KMT2E: variants seen among roughly 807,000 people sequenced by gnomAD.
KMT2E encodes the protein histone reader KMT2E.
Under a neutral mutation model 184.6 loss-of-function variants are expected in KMT2E, and 30 were observed. The ratio of observed to expected loss-of-function variants is 0.16; its 90% CI spans 0.12 to 0.22. The LOEUF is 0.22. Among genes scored for constraint, KMT2E ranks in the 10% least tolerant of loss-of-function variants. KMT2E has a pLI of 1.00. For synonymous variants in KMT2E, 815 were observed against 776.5 expected (o/e 1.05, Z -0.82); for missense variants, 2,023 against 2,237.4 (o/e 0.90, Z 1.93).
chr7:105,070,274 G>A (rs1292561992), intron 6 of KMT2E, among the ~76,000 whole-genome samples: 4 of 151,948 alleles, frequency 2.6e-5, no homozygotes, highest in South Asian at 2.1e-4. Flanking sequence ...ACTATTTTCC[G>A]GAATGGCTAT....
intron 3 of KMT2E, among the ~76,000 whole-genome samples, chr7:105,050,946 C>T (rs1796313953): frequency 2.0e-5 from 3 of 152,000 alleles, no homozygotes; most frequent in Admixed American, 2.0e-4. Context: ...AGGCTGGTCT[C>T]AAACTCCTGG....
intron 5 of KMT2E, among the ~76,000 whole-genome samples, chr7:105,064,402 A>G (rs1027732409): frequency 2.0e-5 from 3 of 151,938 alleles, no homozygotes; most frequent in African/African-American, 7.3e-5. Flanking sequence ...AGTATGGCAT[A>G]TACCCATATT....
At chr7:105,081,953 T>G (rs946072957) in intron 13 of KMT2E, among the ~76,000 whole-genome samples, 156 bp downstream of exon 13, 5 of 152,246 alleles carry the variant, frequency 3.3e-5, no homozygotes, top group African/African-American at 9.6e-5. Flanking sequence ...AGTATCAGCC[T>G]CTATTACAGC....
Position 105,018,682 on chromosome 7 carries a change from A to G in KMT2E, c.-189+4147A>G, listed in dbSNP as rs1794816914. 2.0e-5 allele frequency among the ~76,000 whole-genome samples: 3 copies of G among 152,154 alleles called. No individual in the cohort carries two copies. In the South Asian group the frequency reaches 6.2e-4, roughly 32 times the overall value. Reference sequence around the variant, plus strand: ...TAACGAGTGGAATACTATTTGAAATATTACTCTGTGAATGTTACTGGCTTT... The same window carrying G: ...TAACGAGTGGAATACTATTTGAAATGTTACTCTGTGAATGTTACTGGCTTT... On this transcript the variant is annotated intron_variant, in intron 1 of 26. Transcript: ENST00000311117.
intron 13 of KMT2E, among the ~76,000 whole-genome samples, chr7:105,083,427 A>C (rs1797837664): frequency 6.6e-6 from 1 of 152,226 alleles, no homozygotes; most frequent in East Asian, 1.9e-4. Flanking sequence ...AAAGACATTT[A>C]AAAGGCAATC....
intron 10 of KMT2E, 54 bp downstream of exon 10, chr7:105,077,247 T>C: frequency 4.4e-6 from 7 of 1,601,438 alleles, no homozygotes; most frequent in Non-Finnish European, 6.0e-6. Context: ...TGTGAATTTT[T>C]AGTTAAACTG....
At chr7:105,092,885 G>GA (rs1026676840) in intron 15 of KMT2E, among the ~76,000 whole-genome samples, 2 of 151,842 alleles carry the variant, frequency 1.3e-5, no homozygotes, top group African/African-American at 2.4e-5. Context: ...CCACTTTGGA[G>GA]AAAAAATGAA....
At chr7:105,079,002 G>C in intron 12 of KMT2E, 39 bp downstream of exon 12, 1 of 1,096,752 alleles carries the variant, frequency 9.1e-7, no homozygotes, top group Non-Finnish European at 1.4e-6. Flanking sequence ...TGTGGGTGCT[G>C]GGGGTGTGTT....
chr7:105,081,946 A>G (rs1797776160), intron 13 of KMT2E, 149 bp downstream of exon 13: 3 of 482,760 alleles, frequency 6.2e-6, no homozygotes, highest in African/African-American at 4.0e-5. Flanking sequence ...GAAGTTTAGT[A>G]TCAGCCTCTA....
intron 11 of KMT2E, 45 bp downstream of exon 11, chr7:105,077,478 T>C (rs1797578472): frequency 3.3e-6 from 5 of 1,502,876 alleles, no homozygotes; most frequent in African/African-American, 2.8e-5. Context: ...TAGGTAAATA[T>C]TGAACTTTTG....
intron 1 of KMT2E, among the ~76,000 whole-genome samples, chr7:105,023,201 C>T (rs1423017373): frequency 6.6e-6 from 1 of 151,712 alleles, no homozygotes; most frequent in Non-Finnish European, 1.5e-5. Context: ...TGATACTCCC[C>T]TTTCTCCAAT....
chr7:105,027,998 T>C lies in KMT2E; in HGVS notation c.-188-10128T>C, dbSNP rs770612821. Among the ~76,000 whole-genome samples, 42 of 152,152 alleles carry C rather than the reference T, an allele frequency of 2.8e-4. 1 individual carries two copies. The highest frequency in any genetic ancestry group is 1.4e-3 in the Admixed American group (22 of 15,268). ...ACCATTTGCTTAGTGGCCAACAGTA[T>C]TCTGATTGGAATTGATTATTATCAT... On this transcript the variant is annotated intron_variant, in intron 1 of 26. Transcript: ENST00000311117.
chr7:105,067,302 A>G (rs2129567500), intron 6 of KMT2E, among the ~76,000 whole-genome samples: 1 of 152,146 alleles, frequency 6.6e-6, no homozygotes, highest in East Asian at 1.9e-4. Context: ...ATCTTTTTTA[A>G]CTGGAATGCG....
chr7:105,048,854 C>T (rs1370168511), intron 3 of KMT2E, among the ~76,000 whole-genome samples: 1 of 152,164 alleles, frequency 6.6e-6, no homozygotes, highest in Non-Finnish European at 1.5e-5. Flanking sequence ...TTCTAGTTTG[C>T]CTACCACTTA....
At chr7:105,085,404 C>T (rs12705299) in intron 13 of KMT2E, among the ~76,000 whole-genome samples, 41,418 of 151,884 alleles carry the variant, frequency 0.27, 8,353 homozygotes, top group East Asian at 0.58. Context: ...CAAAATTAGC[C>T]GGGCATGGTG....
chr7:105,015,761 C>T (rs960370348), intron 1 of KMT2E, among the ~76,000 whole-genome samples: 1 of 152,114 alleles, frequency 6.6e-6, no homozygotes, highest in Non-Finnish European at 1.5e-5. Flanking sequence ...ATATTACAGG[C>T]TTATTATGTT....
At chr7:105,071,104 T>A (rs1437313431) in intron 6 of KMT2E, among the ~76,000 whole-genome samples, 1 of 152,214 alleles carries the variant, frequency 6.6e-6, no homozygotes, top group East Asian at 1.9e-4. Context: ...TTATAGAGTC[T>A]TCACATTTCT....
intron 20 of KMT2E, 24 bp from the exon 21 acceptor site, chr7:105,107,142 T>C (rs1798937285): frequency 7.9e-7 from 1 of 1,267,388 alleles, no homozygotes. Flanking sequence ...AAATTTTCAA[T>C]TCTAATTCTT....
intron 1 of KMT2E, among the ~76,000 whole-genome samples, chr7:105,036,319 T>C (rs1795657092): frequency 6.6e-6 from 1 of 151,752 alleles, no homozygotes; most frequent in African/African-American, 2.4e-5. Context: ...ATTACAGGTG[T>C]ATCCACACCC....
Sources: gnomAD v4.1 joint callset for allele counts (sites outside exome capture counted in the v4.1 genomes callset) on GRCh38, gnomAD v4.1.1 for gene constraint, MANE v1.5 for transcripts, NCBI Gene and HGNC (gene_info 2026-07-23, HGNC 2026-07-21) for gene names.